The following ACYP2 variants were observed in gnomAD, a reference collection of about 807,000 sequenced individuals.
The protein encoded by ACYP2 is acylphosphatase-2.
Under a neutral mutation model 11.2 loss-of-function variants are expected in ACYP2, and 12 were observed. The ratio of observed to expected loss-of-function variants is 1.08; its 90% CI spans 0.69 to 1.74. The LOEUF is 1.74. ACYP2 is among the 40% of genes most tolerant of loss of function. The pLI is 0.00. For missense variants in ACYP2, 134 were observed against 101.9 expected, an observed-to-expected ratio of 1.31 and a Z score of -1.35; for synonymous variants, 43 against 32.2, an observed-to-expected ratio of 1.33 and a Z score of -1.13.
At chr2:54,082,139 A>C (rs565680331) in intron 4 of ACYP2, among the ~76,000 whole-genome samples, 15 of 152,188 alleles carry the variant, frequency 9.9e-5, no homozygotes, top group Admixed American at 3.9e-4. Context: ...GAAGGGATGC[A>C]ATATTAAGGA....
chr2:54,182,601 G>T (rs1683792948), intron 6 of ACYP2, among the ~76,000 whole-genome samples: 1 of 152,146 alleles, frequency 6.6e-6, no homozygotes, highest in Non-Finnish European at 1.5e-5. Context: ...GCCTCCCAAA[G>T]TCCTGGAATT....
At chr2:54,250,635 T>C (rs1481316058) in intron 6 of ACYP2, among the ~76,000 whole-genome samples, 1 of 152,250 alleles carries the variant, frequency 6.6e-6, no homozygotes, top group Non-Finnish European at 1.5e-5. Flanking sequence ...AAATCTACCT[T>C]ATGTTTCAAA....
chr2:54,193,203 G>GT (rs139387557), intron 6 of ACYP2, among the ~76,000 whole-genome samples: 2,056 of 152,294 alleles, frequency 0.014, 39 homozygotes, highest in African/African-American at 0.045. Flanking sequence ...TCCATTCCCT[G>GT]TTTGTCAAGT....
At chr2:54,021,042 G>A (rs1478236446) in intron 2 of ACYP2, among the ~76,000 whole-genome samples, 5 of 152,198 alleles carry the variant, frequency 3.3e-5, no homozygotes, top group Admixed American at 2.6e-4. Context: ...CAAGGGAGGG[G>A]AAGGGGTTTT....
At chr2:53,979,455 C>A (rs898256062) in intron 2 of ACYP2, among the ~76,000 whole-genome samples, 1 of 151,560 alleles carries the variant, frequency 6.6e-6, no homozygotes, top group African/African-American at 2.4e-5. Flanking sequence ...GATGAAATCC[C>A]ATCTCTACTA....
chr2:54,266,184 G>A lies in ACYP2; in HGVS notation c.405-38504G>A, dbSNP rs544641219. On this transcript the variant is annotated intron_variant, in intron 6 of 6. Coordinates refer to ENST00000607452, the MANE Select transcript of ACYP2 (RefSeq NM_001320586.2). Reference sequence around the variant, plus strand: ...CCTCATATACTAGAACTTATGGTCTGCAACTAAAGGACTTTTTAGTATTAC... The same window carrying A: ...CCTCATATACTAGAACTTATGGTCTACAACTAAAGGACTTTTTAGTATTAC... 1.1e-4 allele frequency among the ~76,000 whole-genome samples: 16 copies of A among 152,262 alleles called. No homozygotes were observed. In the East Asian group the frequency reaches 2.9e-3, roughly 28 times the overall value.
At chr2:53,978,690 A>T (rs764983649) in intron 2 of ACYP2, among the ~76,000 whole-genome samples, 5 of 152,226 alleles carry the variant, frequency 3.3e-5, no homozygotes, top group Non-Finnish European at 5.9e-5. Context: ...GTTCACAACC[A>T]GCCTGGACAA....
intron 6 of ACYP2, among the ~76,000 whole-genome samples, chr2:54,250,284 G>A (rs954294374): frequency 7.2e-5 from 11 of 152,236 alleles, no homozygotes; most frequent in Admixed American, 6.5e-4. Context: ...CGAGACCAGC[G>A]TGGCCAGCAT....
At chr2:54,275,590 G>C (rs149993150) in intron 6 of ACYP2, among the ~76,000 whole-genome samples, 3,963 of 152,272 alleles carry the variant, frequency 0.026, 68 homozygotes, top group Middle Eastern at 0.044. Flanking sequence ...TTTTATTTCA[G>C]CTCTCCTAGG....
intron 6 of ACYP2, among the ~76,000 whole-genome samples, chr2:54,168,216 G>T (rs1441059015): frequency 1.3e-5 from 2 of 152,040 alleles, no homozygotes; most frequent in African/African-American, 2.4e-5. Flanking sequence ...CTTGAGGTCA[G>T]GAGTTCAAGA....
intron 4 of ACYP2, among the ~76,000 whole-genome samples, chr2:54,133,768 G>C (rs947422858): frequency 6.6e-6 from 1 of 152,128 alleles, no homozygotes; most frequent in African/African-American, 2.4e-5. Flanking sequence ...TCACTAAAGG[G>C]GTCCCATACC....
chr2:54,219,587 T>C (rs903141738), intron 6 of ACYP2, among the ~76,000 whole-genome samples: 7 of 152,168 alleles, frequency 4.6e-5, no homozygotes, highest in African/African-American at 1.4e-4. Flanking sequence ...ACTAATGTTA[T>C]ATCTCCTACC....
At chr2:54,055,925 C>G (rs1280481826) in intron 3 of ACYP2, among the ~76,000 whole-genome samples, 1 of 152,106 alleles carries the variant, frequency 6.6e-6, no homozygotes, top group African/African-American at 2.4e-5. Flanking sequence ...CATAGACATA[C>G]TGTAATATAG....
intron 6 of ACYP2, among the ~76,000 whole-genome samples, chr2:54,170,715 T>C (rs1439895460): frequency 1.3e-5 from 2 of 152,082 alleles, no homozygotes; most frequent in African/African-American, 4.8e-5. Context: ...GAACAGGGAT[T>C]TTTAAAAGGA....
At chr2:54,179,307 G>A (rs1572896393) in intron 6 of ACYP2, among the ~76,000 whole-genome samples, 1 of 152,094 alleles carries the variant, frequency 6.6e-6, no homozygotes, top group East Asian at 1.9e-4. Context: ...TTTTGTAGCA[G>A]ATACCAACTG....
In ACYP2 at chr2:54,195,649, A is replaced by C. The variant is rs970873617; in HGVS notation, c.404+56901A>C. Among the ~76,000 whole-genome samples, 57 of 138,580 alleles carry C rather than the reference A, an allele frequency of 4.1e-4. 1 individual carries two copies. Among genetic ancestry groups the C allele is most frequent in the African/African-American group, 1.2e-3 (45 of 37,670 alleles). The allele number at this position is 138,580 out of a possible 152,430, so 90.9% of individuals were successfully genotyped here. On this transcript the variant is annotated intron_variant, in intron 6 of 6. Transcript: ENST00000607452. ...AGACTGGCCAAAGGCAAAAAAAAAA[A>C]AACAAAACACTGTACTAACTGGGTC...
chr2:54,303,676 T>C (rs1189422491), intron 6 of ACYP2, among the ~76,000 whole-genome samples: 1 of 152,260 alleles, frequency 6.6e-6, no homozygotes, highest in African/African-American at 2.4e-5. Context: ...AATTTTCAGC[T>C]AACCTAGAAA....
At chr2:54,096,996 C>A (rs1200119528) in intron 4 of ACYP2, among the ~76,000 whole-genome samples, 1 of 152,180 alleles carries the variant, frequency 6.6e-6, no homozygotes, top group East Asian at 1.9e-4. Context: ...AGGCATGAGC[C>A]CCCACATCCA....
At position 54,258,240 on chromosome 2, in the gene ACYP2, G is replaced by C. The variant is rs573865478; in HGVS notation, c.405-46448G>C. On this transcript the variant is annotated intron_variant, in intron 6 of 6. Transcript: ENST00000607452. ...TCCTGGGGGTAGGGAGTGGGGAGGAGATTGTAGTATGAAATAGGGTGGTCA... is the reference window on the plus strand; with the variant it reads ...TCCTGGGGGTAGGGAGTGGGGAGGACATTGTAGTATGAAATAGGGTGGTCA... Among the ~76,000 whole-genome samples the C allele has an allele frequency of 2.6e-5, 4 of 152,320 alleles. No homozygotes were observed. In the South Asian group the frequency reaches 8.3e-4, roughly 32 times the overall value.
Sources: gnomAD v4.1 joint callset for allele counts (sites outside exome capture counted in the v4.1 genomes callset) on GRCh38, gnomAD v4.1.1 for gene constraint, MANE v1.5 for transcripts, NCBI Gene and HGNC (gene_info 2026-07-23, HGNC 2026-07-21) for gene names.